ZFYVE9: variants seen among roughly 807,000 people sequenced by gnomAD.
ZFYVE9 encodes the protein zinc finger FYVE-type containing 9.
Under a neutral mutation model 126.7 loss-of-function variants are expected in ZFYVE9, and 43 were observed. The ratio of observed to expected loss-of-function variants is 0.34; its 90% CI spans 0.27 to 0.44. The LOEUF is 0.44. Ranked by LOEUF, ZFYVE9 falls within the 20% of genes least tolerant of loss-of-function variation. The pLI is 1.00. For synonymous variants in ZFYVE9, 521 were observed against 597.4 expected, an observed-to-expected ratio of 0.87 and a Z score of 1.87; for missense variants, 1,476 against 1,697.0, an observed-to-expected ratio of 0.87 and a Z score of 2.29.
At chr1:52,176,972 C>T (rs761026445) in intron 1 of ZFYVE9, among the ~76,000 whole-genome samples, 22 of 152,142 alleles carry the variant, frequency 1.4e-4, no homozygotes, top group Non-Finnish European at 2.4e-4. Context: ...TGCCCTGCTT[C>T]GGCTCGTGCA....
intron 10 of ZFYVE9, among the ~76,000 whole-genome samples, chr1:52,285,512 A>G (rs1423781046): frequency 1.3e-5 from 2 of 152,092 alleles, no homozygotes; most frequent in Admixed American, 6.6e-5. Context: ...GCGGTATTAG[A>G]TTCTCATAGA....
At chr1:52,313,883 C>A (rs576623057) in intron 13 of ZFYVE9, among the ~76,000 whole-genome samples, 1 of 152,054 alleles carries the variant, frequency 6.6e-6, no homozygotes, top group African/African-American at 2.4e-5. Context: ...AGAAAAAACT[C>A]GTGATCATGA....
rs751924908 is a variant in ZFYVE9 at position 52,293,722 on chromosome 1, ATGCC to A, written c.3250+48_3250+51del. The A allele has an allele frequency of 4.6e-6, 7 of 1,525,178 alleles. No individual in the cohort carries two copies. In the Admixed American group the frequency reaches 1.2e-4, roughly 26 times the overall value. 94.5% of individuals were successfully genotyped at this position (1,525,178 alleles called of 1,614,324 possible). The stretch of plus-strand genomic sequence containing the variant: ...TTTTCAAGGCATGATGACTAAAATA[ATGCC>A]TGAAATATTCAGAGCCCTCTGTTTG... On this transcript the variant is annotated intron_variant, in intron 11 of 18. Transcript: ENST00000287727.
intron 4 of ZFYVE9, among the ~76,000 whole-genome samples, chr1:52,255,410 AC>A (rs1457810702): frequency 8.6e-5 from 13 of 150,308 alleles, no homozygotes; most frequent in African/African-American, 3.2e-4. Context: ...CTATGGAGAA[AC>A]CCTGACTCTA....
chr1:52,318,914 C>A (rs577007650), intron 13 of ZFYVE9, among the ~76,000 whole-genome samples: 14 of 152,088 alleles, frequency 9.2e-5, no homozygotes, highest in African/African-American at 3.4e-4. Context: ...CTGGGCAACA[C>A]GGTGAGAACC....
intron 1 of ZFYVE9, among the ~76,000 whole-genome samples, chr1:52,154,888 C>G (rs985247122): frequency 6.6e-6 from 1 of 152,140 alleles, no homozygotes; most frequent in African/African-American, 2.4e-5. Flanking sequence ...TACTTATAAG[C>G]AAAACTTTGG....
At chr1:52,157,567 A>T (rs1644415125) in intron 1 of ZFYVE9, among the ~76,000 whole-genome samples, 1 of 151,236 alleles carries the variant, frequency 6.6e-6, no homozygotes, top group Non-Finnish European at 1.5e-5. Flanking sequence ...ACACCTGGCT[A>T]ATTTTTGTAT....
At chr1:52,278,073 C>T (rs933858469) in intron 8 of ZFYVE9, among the ~76,000 whole-genome samples, 5 of 152,146 alleles carry the variant, frequency 3.3e-5, no homozygotes, top group African/African-American at 9.7e-5. Context: ...CTCTTCTACC[C>T]CAACTATTTG....
intron 4 of ZFYVE9, among the ~76,000 whole-genome samples, chr1:52,249,922 C>T (rs1251968877): frequency 1.3e-5 from 2 of 152,138 alleles, no homozygotes; most frequent in African/African-American, 4.8e-5. Flanking sequence ...ACTAACTGGA[C>T]CATATAAGTG....
At chr1:52,160,404 C>T (rs900757238) in intron 1 of ZFYVE9, 13 of 1,094,060 alleles carry the variant, frequency 1.2e-5, no homozygotes, top group East Asian at 2.4e-5. Context: ...AACTTTGGGA[C>T]ACTTTCTACA....
intron 1 of ZFYVE9, chr1:52,160,554 C>T (rs1644448104): frequency 1.3e-6 from 1 of 764,070 alleles, no homozygotes; most frequent in Admixed American, 1.7e-5. Context: ...GCCTCAAGTG[C>T]TGCTCTCATG....
At chr1:52,292,259 G>A (rs1173176566) in intron 10 of ZFYVE9, among the ~76,000 whole-genome samples, 2 of 148,684 alleles carry the variant, frequency 1.3e-5, no homozygotes, top group East Asian at 2.0e-4. Context: ...CTCCAGCCTG[G>A]GTGGCAGAGC....
At chr1:52,334,488 GT>G (rs1200420878) in intron 14 of ZFYVE9, among the ~76,000 whole-genome samples, 199 bp from the exon 15 acceptor site, 4 of 152,204 alleles carry the variant, frequency 2.6e-5, no homozygotes. Context: ...ATGGGGGAGT[GT>G]ATCTTAAAAC....
At chr1:52,225,288 A>G (rs1204900597) in intron 2 of ZFYVE9, among the ~76,000 whole-genome samples, 1 of 152,168 alleles carries the variant, frequency 6.6e-6, no homozygotes, top group African/African-American at 2.4e-5. Context: ...CACCACAACG[A>G]GGCAGTGGGA....
At chr1:52,332,968 C>G in intron 14 of ZFYVE9, 50 bp downstream of exon 14, 1 of 1,610,354 alleles carries the variant, frequency 6.2e-7, no homozygotes. Flanking sequence ...TTATACTGGA[C>G]TTGGACAGTT....
At chr1:52,309,974 A>AT (rs1299452843) in intron 13 of ZFYVE9, among the ~76,000 whole-genome samples, 1 of 151,952 alleles carries the variant, frequency 6.6e-6, no homozygotes, top group Non-Finnish European at 1.5e-5. Context: ...ATATATATGT[A>AT]TTTTTTTGAG....
chr1:52,207,907 C>T (rs1411465298), intron 1 of ZFYVE9, among the ~76,000 whole-genome samples: 2 of 152,186 alleles, frequency 1.3e-5, no homozygotes, highest in Admixed American at 1.3e-4. Context: ...GTGCAAGGCA[C>T]TTTATATAAA....
chr1:52,278,737 T>C, intron 9 of ZFYVE9, 123 bp downstream of exon 9: 2 of 779,408 alleles, frequency 2.6e-6, no homozygotes, highest in Non-Finnish European at 1.9e-6. Flanking sequence ...TTTTCTTTTT[T>C]TTTTTTTGAG....
intron 4 of ZFYVE9, among the ~76,000 whole-genome samples, chr1:52,260,756 G>A (rs1182685908): frequency 6.6e-6 from 1 of 152,134 alleles, no homozygotes; most frequent in African/African-American, 2.4e-5. Flanking sequence ...GGCGGAGGTT[G>A]CAATGAGCTG....
Sources: allele counts gnomAD v4.1 joint callset (sites outside exome capture counted in the v4.1 genomes callset), GRCh38; gene constraint gnomAD v4.1.1; transcripts MANE v1.5; gene names NCBI Gene and HGNC (gene_info 2026-07-23, HGNC 2026-07-21).